The following SNRK variants were observed in gnomAD, a reference collection of about 807,000 sequenced individuals.
SNRK encodes the protein SNF related kinase.
SNRK carries 3 observed loss-of-function variants against 48.2 expected under a neutral mutation model. That is an observed-to-expected ratio of 0.06 (90% CI 0.03 to 0.16). SNRK has a LOEUF of 0.16. Ranked by LOEUF, SNRK falls within the 10% of genes least tolerant of loss-of-function variation. The probability of loss-of-function intolerance (pLI) is 1.00; values close to 1 mark genes in which losing one functional copy is unlikely to be tolerated. For synonymous variants in SNRK, 376 were observed against 366.1 expected (o/e 1.03, Z -0.31); for missense variants, 627 against 976.0 (o/e 0.64, Z 4.76).
intron 3 of SNRK, among the ~76,000 whole-genome samples, chr3:43,320,864 T>C (rs1185246217): frequency 6.6e-6 from 1 of 152,014 alleles, no homozygotes; most frequent in Non-Finnish European, 1.5e-5. Flanking sequence ...GGGCTCTTCA[T>C]GACTTTGAAT....
intron 3 of SNRK, among the ~76,000 whole-genome samples, chr3:43,316,677 G>A (rs2091015497): frequency 6.6e-6 from 1 of 151,602 alleles, no homozygotes; most frequent in Admixed American, 6.6e-5. Context: ...CTCATTTAGG[G>A]ATAAGTGAAA....
At chr3:43,291,355 C>T (rs1233323804) in intron 1 of SNRK, among the ~76,000 whole-genome samples, 1 of 152,146 alleles carries the variant, frequency 6.6e-6, no homozygotes, top group Admixed American at 6.6e-5. Flanking sequence ...CGTATCTGTT[C>T]CCGTAAGAGA....
At chr3:43,287,353 C>T (rs2090774237) in intron 1 of SNRK, among the ~76,000 whole-genome samples, 1 of 152,146 alleles carries the variant, frequency 6.6e-6, no homozygotes, top group Admixed American at 6.5e-5. Context: ...ACCTTCCTGC[C>T]TTTTACTTGG....
chr3:43,347,841 C>T lies in SNRK; in HGVS notation c.1582C>T (p.Arg528Trp), dbSNP rs766880641. Residue 528 changes from arginine (R) to tryptophan (W), a missense_variant, in exon 7 of 7, where the codon CGG (arginine) becomes TGG (tryptophan). Physicochemically the swap from Arg to Trp is moderately radical, Grantham distance 101. This residue lies in a region of SNRK where 98 missense variants were observed against 175.2 expected (regional missense o/e 0.56). Coordinates refer to ENST00000296088, the MANE Select transcript of SNRK (RefSeq NM_017719.5). The surrounding 1 kb of genome is among the most constrained non-coding windows in gnomAD (Gnocchi z 5.4). Reference sequence around the variant, plus strand: ...AGGTACAGTTCACAAACGCTACCACCGGAGGAAAAGTCAGGGCCGGGGCTC... The same window carrying T: ...AGGTACAGTTCACAAACGCTACCACTGGAGGAAAAGTCAGGGCCGGGGCTC... ...SPGTVHKRYH[R>W]RKSQGRGSSC... is the part of the protein sequence containing the mutation. The T allele has an allele frequency of 5.6e-6, 9 of 1,613,994 alleles. No individual in the cohort carries two copies. Among genetic ancestry groups the T allele is most frequent in the East Asian group, 2.2e-5 (1 of 44,868 alleles).
chr3:43,337,441 G>A (rs889852279), intron 4 of SNRK, among the ~76,000 whole-genome samples: 4 of 151,884 alleles, frequency 2.6e-5, no homozygotes, highest in African/African-American at 9.7e-5. Context: ...GGGTGTCGGG[G>A]GAATGGTCTC....
intron 3 of SNRK, among the ~76,000 whole-genome samples, chr3:43,327,027 G>A (rs894403354): frequency 6.6e-5 from 10 of 152,082 alleles, no homozygotes; most frequent in Admixed American, 6.5e-4. Flanking sequence ...TGCTTCTTTC[G>A]TATGCTGTTA....
intron 2 of SNRK, among the ~76,000 whole-genome samples, chr3:43,302,526 A>G (rs1276219371): frequency 6.6e-6 from 1 of 152,180 alleles, no homozygotes; most frequent in African/African-American, 2.4e-5. Flanking sequence ...GGTGTACCCA[A>G]ATACCTGTAG....
At chr3:43,346,245 A>T (rs1348338988) in intron 6 of SNRK, among the ~76,000 whole-genome samples, 2 of 152,170 alleles carry the variant, frequency 1.3e-5, no homozygotes, top group South Asian at 2.1e-4. Flanking sequence ...TGACAGGTTT[A>T]TTTTATTAAA....
At chr3:43,307,696 T>C (rs2090948842) in intron 3 of SNRK, among the ~76,000 whole-genome samples, 1 of 152,154 alleles carries the variant, frequency 6.6e-6, no homozygotes, top group African/African-American at 2.4e-5. Context: ...TCTCTCTCTC[T>C]CTCTGTCTCT....
rs528441284 is a variant in SNRK, at chr3:43,345,641, G to A, written c.1080-1698G>A. ...GGCAGGGTCCTAGACCTGGAATTGA[G>A]GGAGAACACAGGGACTCCACTAGAG... On this transcript the variant is annotated intron_variant, in intron 6 of 6. Coordinates refer to ENST00000296088, the MANE Select transcript of SNRK (RefSeq NM_017719.5). Among the ~76,000 whole-genome samples, 5 of 152,284 alleles carry A rather than the reference G, an allele frequency of 3.3e-5. No individual in the cohort carries two copies. The East Asian group carries it at 7.7e-4, about 24-fold the overall frequency.
chr3:43,333,656 T>C (rs920952474), intron 4 of SNRK, among the ~76,000 whole-genome samples: 3 of 152,142 alleles, frequency 2.0e-5, no homozygotes, highest in African/African-American at 7.2e-5. Flanking sequence ...TTGTGATGCA[T>C]GTTGTAATTC....
rs2125653416 is a variant in SNRK at position 43,349,816 on chromosome 3, T to A, written c.*1259T>A. On this transcript the variant is annotated 3_prime_UTR_variant, in exon 7 of 7. Coordinates refer to ENST00000296088, the MANE Select transcript of SNRK (RefSeq NM_017719.5). Reference sequence around the variant, plus strand: ...ACACTGTATATTGCAAATTGCTGATTATGGAAGGGGCCAGTTGCTGTTTTT... The same window carrying A: ...ACACTGTATATTGCAAATTGCTGATAATGGAAGGGGCCAGTTGCTGTTTTT... 6.6e-6 allele frequency: 1 copy of A among 152,324 alleles called. No homozygotes were observed. Among genetic ancestry groups the A allele is most frequent in the Admixed American group, 6.5e-5 (1 of 15,298 alleles). The allele number at this position is 152,324 out of a possible 1,614,324, so 9.4% of individuals were successfully genotyped here. A position where few individuals can be genotyped will look rare whatever the true frequency, so the allele number is the denominator to read the frequency against.
At chr3:43,317,856 T>TA (rs1166090035) in intron 3 of SNRK, among the ~76,000 whole-genome samples, 2 of 152,234 alleles carry the variant, frequency 1.3e-5, no homozygotes, top group African/African-American at 4.8e-5. Context: ...TGGGCTCTGT[T>TA]ACCTCCATTT....
intron 1 of SNRK, among the ~76,000 whole-genome samples, chr3:43,289,124 A>G (rs2125609761): frequency 6.6e-6 from 1 of 152,306 alleles, no homozygotes; most frequent in East Asian, 1.9e-4. Context: ...GTACGAACAG[A>G]TGAACTGTGG....
chr3:43,342,656 A>T (rs2125647105), intron 5 of SNRK, among the ~76,000 whole-genome samples: 1 of 152,344 alleles, frequency 6.6e-6, no homozygotes, highest in South Asian at 2.1e-4. Context: ...CACTCCTAGT[A>T]TGTATGTCCT....
At chr3:43,311,129 G>C (rs17075545) in intron 3 of SNRK, among the ~76,000 whole-genome samples, 3,797 of 152,202 alleles carry the variant, frequency 0.025, 163 homozygotes, top group African/African-American at 0.085. Context: ...CCCTCTCTCT[G>C]TGTTCCTAAT....
chr3:43,337,787 A>G (rs749837111), intron 4 of SNRK, among the ~76,000 whole-genome samples: 1 of 152,292 alleles, frequency 6.6e-6, no homozygotes, highest in Non-Finnish European at 1.5e-5. Flanking sequence ...GCTACTGAAC[A>G]CTTATAGAAC....
chr3:43,300,112 G>C (rs1166286505), intron 2 of SNRK, among the ~76,000 whole-genome samples: 40 of 152,016 alleles, frequency 2.6e-4, no homozygotes, highest in Admixed American at 2.6e-3. Flanking sequence ...ATGGAAAAGG[G>C]GTGCTCATAT....
chr3:43,335,630 CT>C (rs2091181929), intron 4 of SNRK, among the ~76,000 whole-genome samples: 1 of 152,078 alleles, frequency 6.6e-6, no homozygotes, highest in Admixed American at 6.5e-5. Context: ...ATGAGTTTTT[CT>C]TTCTCCTACT....
Sources: allele counts gnomAD v4.1 joint callset (sites outside exome capture counted in the v4.1 genomes callset), GRCh38; gene constraint gnomAD v4.1.1; regional missense constraint gnomAD v4.1.1; non-coding constraint Gnocchi (gnomAD v3.1); transcripts MANE v1.5; gene names NCBI Gene and HGNC (gene_info 2026-07-23, HGNC 2026-07-21).